Variants in CCDC32 observed in about 807,000 individuals in gnomAD.
CCDC32 encodes coiled-coil domain containing 32.
A neutral mutation model predicts 20.1 loss-of-function variants in CCDC32; 9 were observed. That is an observed-to-expected ratio of 0.45 (90% CI 0.27 to 0.78). The LOEUF (loss-of-function observed/expected upper bound fraction) is 0.78, where lower values mean the gene tolerates loss of function less well. CCDC32 is among the 30% of genes least tolerant of loss of function. The pLI is 0.16. For synonymous variants in CCDC32, 63 were observed against 79.0 expected (o/e 0.80, Z 1.07); for missense variants, 204 against 215.5 (o/e 0.95, Z 0.33).
At chr15:40,528,990 G>A (rs756069498) in intron 3 of CCDC32, among the ~76,000 whole-genome samples, 1 of 152,094 alleles carries the variant, frequency 6.6e-6, no homozygotes, top group Non-Finnish European at 1.5e-5. Context: ...GGACCCAGTA[G>A]GCAGCTAAGT....
rs1186295144 is a variant in CCDC32 at position 40,553,307 on chromosome 15, G to A, written c.*664C>T. 1.0e-6 allele frequency: 1 copy of A among 985,334 alleles called. No individual in the cohort carries two copies. Among genetic ancestry groups the A allele is most frequent in the Admixed American group, 6.1e-5 (1 of 16,266 alleles). The allele number at this position is 985,334 out of a possible 1,614,324, so 61.0% of individuals were successfully genotyped here. ...AGGAGGAAGTTGGAGGAGAAGCCAT[G>A]CATGAAGTAAAAAATACATATACAC... On this transcript the variant is annotated 3_prime_UTR_variant, in exon 4 of 4. Transcript: ENST00000416810.
At position 40,563,783 on chromosome 15, in the gene CCDC32, A is replaced by G. The variant is rs570126424; in HGVS notation, c.-12-756T>C. On this transcript the variant is annotated intron_variant, in intron 1 of 3. Transcript: ENST00000416810. ...AAGATCTCCAAAATGCAACAGTTCT[A>G]TCTCCAGTCAATTAAATTCTGTTTT... Among the ~76,000 whole-genome samples, 8 of 151,568 alleles carry G rather than the reference A, an allele frequency of 5.3e-5. No homozygotes were observed. The East Asian group carries it at 1.4e-3, about 26-fold the overall frequency.
chr15:40,543,465 GTTT>G (rs375986125), intron 3 of CCDC32, among the ~76,000 whole-genome samples: 14 of 151,950 alleles, frequency 9.2e-5, no homozygotes, highest in East Asian at 1.9e-4. Context: ...TGTTGTTGTT[GTTT>G]TTTTGAGACA....
chr15:40,532,021 G>A (rs540656797), downstream of CCDC32: 14 of 327,276 alleles, frequency 4.3e-5, no homozygotes, highest in Admixed American at 1.4e-4. Flanking sequence ...TGGAGGTTCC[G>A]GTTTCTTCTG....
chr15:40,540,994 C>G (rs1285262739), intron 3 of CCDC32, among the ~76,000 whole-genome samples: 1 of 152,216 alleles, frequency 6.6e-6, no homozygotes, highest in Admixed American at 6.5e-5. Flanking sequence ...CACTGGGCCA[C>G]AGAGACCAAA....
chr15:40,553,144 C>A lies in CCDC32; in HGVS notation c.*827G>T. Reference sequence around the variant, plus strand: ...TATGGAAACACATACTGATCATGAACACAATAAACAGGGAGGGAAGCTCGG... The same window carrying A: ...TATGGAAACACATACTGATCATGAAAACAATAAACAGGGAGGGAAGCTCGG... On this transcript the variant is annotated 3_prime_UTR_variant, in exon 4 of 4. Coordinates refer to ENST00000416810, the MANE Select transcript of CCDC32 (RefSeq NM_001080792.4). 1 of 985,454 alleles carries A rather than the reference C, an allele frequency of 1.0e-6. No individual in the cohort carries two copies. The allele number at this position is 985,454 out of a possible 1,614,324, so 61.0% of individuals were successfully genotyped here.
In CCDC32 at chr15:40,542,771, A is replaced by G. The variant is rs1049842312; in HGVS notation, c.402-3416T>C. ...GTAGTCCCAGCTACTCAGGAGGTTG[A>G]GGCAGGAGAATGGTGTGAACCCGGG... On this transcript the variant is annotated intron_variant, in intron 3 of 3. Coordinates refer to the CCDC32 transcript ENST00000558113. Among the ~76,000 whole-genome samples the G allele has an allele frequency of 9.2e-5, 14 of 151,958 alleles. 1 individual carries two copies. Among genetic ancestry groups the G allele is most frequent in the Admixed American group, 8.5e-4 (13 of 15,212 alleles).
At position 40,553,526 on chromosome 15, in the gene CCDC32, A is replaced by G. The variant is rs758427790; in HGVS notation, c.*445T>C. On this transcript the variant is annotated 3_prime_UTR_variant, in exon 4 of 4. Transcript: ENST00000416810. ...GCCCCACTCACGTGACAATTCACCA[A>G]GGGAATGCTTGGGACACAAGCATGA... 70 of 987,978 alleles carry G rather than the reference A, an allele frequency of 7.1e-5. No individual in the cohort carries two copies. The highest frequency in any genetic ancestry group is 5.8e-5 in the Non-Finnish European group (48 of 831,650). 61.2% of individuals were successfully genotyped at this position (987,978 alleles called of 1,614,324 possible).
chr15:40,540,966 G>A lies in CCDC32; in HGVS notation c.402-1611C>T, dbSNP rs145905091. ...ACTAGGCTGGGCTGAACTCACCCCCGGGGAGAACCACTTCCCACACTGGGC... is the reference window on the plus strand; with the variant it reads ...ACTAGGCTGGGCTGAACTCACCCCCAGGGAGAACCACTTCCCACACTGGGC... On this transcript the variant is annotated intron_variant, in intron 3 of 3. Transcript: ENST00000558113. 1.6e-3 allele frequency among the ~76,000 whole-genome samples: 244 copies of A among 152,234 alleles called. 1 individual carries two copies. Among genetic ancestry groups the A allele is most frequent in the East Asian group, 6.0e-3 (31 of 5,172 alleles).
chr15:40,539,880 A>ACACACAC lies in CCDC32; in HGVS notation c.402-526_402-525insGTGTGTG, dbSNP rs769226221. 6.8e-4 allele frequency among the ~76,000 whole-genome samples: 94 copies of ACACACAC among 139,130 alleles called. 1 individual carries two copies. In the East Asian group the frequency reaches 0.017, roughly 25 times the overall value. The allele number at this position is 139,130 out of a possible 152,430, so 91.3% of individuals were successfully genotyped here. On this transcript the variant is annotated intron_variant, in intron 3 of 3. Transcript: ENST00000558113. ...CACACACACACACACACACACACAC[A>ACACACAC]CCCCGCTCCTTGCCCTTGATTCCAT...
chr15:40,532,714 CTTTT>C (rs1189285245), downstream of CCDC32, among the ~76,000 whole-genome samples: 48 of 91,430 alleles, frequency 5.2e-4, no homozygotes, highest in East Asian at 2.3e-3. Flanking sequence ...TGTTTTCTTT[CTTTT>C]TTTTTTTTTT....
chr15:40,534,752 G>A (rs1889036706), downstream of CCDC32: 3 of 624,722 alleles, frequency 4.8e-6, no homozygotes, highest in Non-Finnish European at 8.7e-6. Context: ...TAATCCCATT[G>A]ATAAAGGGTC....
downstream of CCDC32, chr15:40,532,017 T>A (rs183389793): frequency 1.3e-4 from 42 of 326,282 alleles, 1 homozygote; most frequent in African/African-American, 8.5e-4. Context: ...CTTCTGGAGG[T>A]TCCGGTTTCT....
chr15:40,533,902 T>TGC (rs1172777604), downstream of CCDC32, among the ~76,000 whole-genome samples: 2 of 152,016 alleles, frequency 1.3e-5, no homozygotes, highest in African/African-American at 4.8e-5. Context: ...AAATTACTTT[T>TGC]ACAATATGTT....
In CCDC32 at chr15:40,540,018, A is replaced by G. The variant is rs951008096; in HGVS notation, c.402-663T>C. Among the ~76,000 whole-genome samples the G allele has an allele frequency of 3.9e-5, 6 of 152,274 alleles. No individual in the cohort carries two copies. The East Asian group carries it at 7.7e-4, about 20-fold the overall frequency. On this transcript the variant is annotated intron_variant, in intron 3 of 3. Coordinates refer to the CCDC32 transcript ENST00000558113. The stretch of plus-strand genomic sequence containing the variant: ...TTCAAATTGCGGCAAAATCTAGGGA[A>G]TAAGTGTGAACCTCAGAGATGATGA...
intron 2 of CCDC32, among the ~76,000 whole-genome samples, chr15:40,562,406 C>A (rs528864304): frequency 6.6e-6 from 1 of 151,866 alleles, no homozygotes; most frequent in Non-Finnish European, 1.5e-5. Flanking sequence ...AAATGAAACC[C>A]CATCTCTACT....
At chr15:40,542,377 ATTGTC>A (rs1165099142) in intron 3 of CCDC32, among the ~76,000 whole-genome samples, 1 of 152,028 alleles carries the variant, frequency 6.6e-6, no homozygotes, top group Non-Finnish European at 1.5e-5. Context: ...AAACAATCTT[ATTGTC>A]TTGTCCTGTC....
At chr15:40,541,369 G>C (rs1889387357) in intron 3 of CCDC32, among the ~76,000 whole-genome samples, 1 of 148,654 alleles carries the variant, frequency 6.7e-6, no homozygotes, top group African/African-American at 2.5e-5. Flanking sequence ...GTCTCGCTCT[G>C]TCACCCAGGC....
downstream of CCDC32, chr15:40,538,436 G>C (rs1372037338): frequency 6.6e-6 from 1 of 152,202 alleles, no homozygotes; most frequent in Admixed American, 6.5e-5. Context: ...GGGGTCACAG[G>C]GCACCTGTGG....
Sources: gnomAD v4.1 joint callset for allele counts (sites outside exome capture counted in the v4.1 genomes callset) on GRCh38, gnomAD v4.1.1 for gene constraint, MANE v1.5 for transcripts, NCBI Gene and HGNC (gene_info 2026-07-23, HGNC 2026-07-21) for gene names.